Variants in LAP3 observed in about 807,000 individuals in gnomAD.
LAP3 encodes cytosol aminopeptidase.
In LAP3, 46 loss-of-function variants were observed where a neutral mutation model predicts 58.8. The ratio of observed to expected loss-of-function variants is 0.78; its 90% CI spans 0.62 to 1.00. LAP3 has a LOEUF of 1.00. Among genes scored for constraint, LAP3 ranks in the 50% least tolerant of loss-of-function variants. The pLI, the probability that LAP3 is intolerant of heterozygous loss-of-function variation, is 0.00. For synonymous variants in LAP3, 257 were observed against 237.7 expected (o/e 1.08, Z -0.75); for missense variants, 615 against 659.1 (o/e 0.93, Z 0.73).
intron 11 of LAP3, among the ~76,000 whole-genome samples, chr4:17,604,877 C>T (rs1714081248): frequency 6.6e-6 from 1 of 152,138 alleles, no homozygotes; most frequent in Admixed American, 6.5e-5. Context: ...GCCCCCTGCT[C>T]CCCTCCGGTA....
chr4:17,594,556 T>TG (rs1713780224), intron 7 of LAP3, among the ~76,000 whole-genome samples: 1 of 152,256 alleles, frequency 6.6e-6, no homozygotes, highest in South Asian at 2.1e-4. Flanking sequence ...ATGTTGCTTC[T>TG]GGACTCCTAC....
chr4:17,589,674 G>C (rs1713627564), intron 7 of LAP3, among the ~76,000 whole-genome samples: 2 of 151,970 alleles, frequency 1.3e-5, no homozygotes, highest in African/African-American at 4.8e-5. Context: ...TGCCCAAACT[G>C]GTCTTAAACT....
intron 1 of LAP3, among the ~76,000 whole-genome samples, chr4:17,579,226 C>G (rs1282650524): frequency 6.6e-6 from 1 of 152,114 alleles, no homozygotes; most frequent in Non-Finnish European, 1.5e-5. Context: ...ATGGGGGTAA[C>G]TAACAGAAGA....
At chr4:17,596,960 C>T (rs1302126213) in intron 8 of LAP3, 86 bp from the exon 9 acceptor site, 2 of 1,217,878 alleles carry the variant, frequency 1.6e-6, no homozygotes, top group Admixed American at 3.6e-5. Flanking sequence ...TCTTGCTTCT[C>T]ATGGCTCACA....
At chr4:17,592,385 T>C (rs1713709364) in intron 7 of LAP3, among the ~76,000 whole-genome samples, 1 of 152,224 alleles carries the variant, frequency 6.6e-6, no homozygotes, top group Non-Finnish European at 1.5e-5. Context: ...ATGTTGTTGG[T>C]CATGTCAGCC....
chr4:17,601,378 C>CTTA lies in LAP3; in HGVS notation c.1180+2822_1180+2824dup, dbSNP rs530556288. Among the ~76,000 whole-genome samples, 166 of 152,206 alleles carry CTTA rather than the reference C, an allele frequency of 1.1e-3. 1 individual carries two copies. Among genetic ancestry groups the CTTA allele is most frequent in the African/African-American group, 3.5e-3 (146 of 41,532 alleles). On this transcript the variant is annotated intron_variant, in intron 10 of 12. Coordinates refer to ENST00000226299, the MANE Select transcript of LAP3 (RefSeq NM_015907.3). ...GGTCCCAACTGGACCACCTTAAATACTTATGTCTGCCATTTTTTATTACTT... is the reference window on the plus strand; with the variant it reads ...GGTCCCAACTGGACCACCTTAAATACTTATTATGTCTGCCATTTTTTATTACTT...
intron 1 of LAP3, among the ~76,000 whole-genome samples, chr4:17,578,262 C>G (rs1713265317): frequency 6.6e-6 from 1 of 152,166 alleles, no homozygotes; most frequent in Admixed American, 6.5e-5. Flanking sequence ...GAGCTCCAGT[C>G]TCCTGCAGGT....
rs1213680869 is a variant in LAP3 at position 17,583,536 on chromosome 4, T to C, written c.433T>C (p.Cys145Arg). 1.9e-6 allele frequency: 3 copies of C among 1,614,154 alleles called. No individual in the cohort carries two copies. The highest frequency in any genetic ancestry group is 1.7e-5 in the Admixed American group (1 of 60,002). ...GCTCTCGTCTGTGGAGGTGGATCCC[T>C]GTGGAGACGCTCAGGCTGCTGCGGA... ...LELSSVEVDP[C>R]GDAQAAAEGA... Residue 145 changes from cysteine (C) to arginine (R), a missense_variant, in exon 5 of 13, where the codon TGT (cysteine) becomes CGT (arginine). Coordinates refer to ENST00000226299, the MANE Select transcript of LAP3 (RefSeq NM_015907.3).
chr4:17,577,564 G>A lies in LAP3; in HGVS notation c.99G>A (p.Thr33=). Residue 33 remains threonine, a synonymous_variant, in exon 1 of 13, where the codon ACG becomes ACA. Coordinates refer to ENST00000226299, the MANE Select transcript of LAP3 (RefSeq NM_015907.3). ...GSRSLSTADM[T]KGLVLGIYSK... ...GGAGTCTCTCCACCGCAGACATGACGAAGGTGAGAGGCGGCGGCTCGCTCA... is the reference window on the plus strand; with the variant it reads ...GGAGTCTCTCCACCGCAGACATGACAAAGGTGAGAGGCGGCGGCTCGCTCA... The A allele has an allele frequency of 6.4e-7, 1 of 1,552,662 alleles. No individual in the cohort carries two copies. Among genetic ancestry groups the A allele is most frequent in the Non-Finnish European group, 8.7e-7 (1 of 1,149,136 alleles).
In LAP3 at chr4:17,581,772, T is replaced by C. The variant is rs1713370315; in HGVS notation, c.231T>C (p.Pro77=). The C allele has an allele frequency of 1.2e-6, 2 of 1,613,742 alleles. No individual in the cohort carries two copies. The highest frequency in any genetic ancestry group is 1.7e-5 in the Admixed American group (1 of 59,996). Residue 77 remains proline (P), a synonymous_variant, in exon 3 of 13, where the codon CCT becomes CCC. Transcript: ENST00000226299. Reference sequence around the variant, plus strand: ...CCTCTTGTTTTAGATCTGGACCACCTCTGAAGGCAGGGAAGACTCGAACCT... The same window carrying C: ...CCTCTTGTTTTAGATCTGGACCACCCCTGAAGGCAGGGAAGACTCGAACCT... ...LRETLNISGP[P]LKAGKTRTFY...
chr4:17,583,376 T>G, intron 4 of LAP3, 107 bp from the exon 5 acceptor site: 1 of 1,225,894 alleles, frequency 8.2e-7, no homozygotes, highest in Non-Finnish European at 1.2e-6. Flanking sequence ...GGGCTGGGAT[T>G]TGAACCCCAG....
At chr4:17,606,754 A>G in intron 11 of LAP3, 75 bp from the exon 12 acceptor site, 1 of 850,478 alleles carries the variant, frequency 1.2e-6, no homozygotes, top group South Asian at 1.5e-5. Flanking sequence ...TCCTTCATGC[A>G]TTGAGCATGT....
At chr4:17,585,411 C>A (rs1577219994) in intron 6 of LAP3, 1 of 228,198 alleles carries the variant, frequency 4.4e-6, no homozygotes, top group Non-Finnish European at 8.6e-6. Context: ...TAGAATTCAC[C>A]AATGCAAAGT....
chr4:17,604,554 G>A (rs569435325), intron 10 of LAP3, 34 bp from the exon 11 acceptor site: 2 of 1,577,520 alleles, frequency 1.3e-6, no homozygotes, highest in Non-Finnish European at 1.7e-6. Flanking sequence ...TGCCTGGAGA[G>A]ACTGCACGTG....
At chr4:17,582,998 A>G (rs1354063727) in intron 4 of LAP3, among the ~76,000 whole-genome samples, 1 of 152,216 alleles carries the variant, frequency 6.6e-6, no homozygotes, top group Non-Finnish European at 1.5e-5. Context: ...CTTTACTTCA[A>G]ATATCATTGA....
intron 11 of LAP3, 69 bp from the exon 12 acceptor site, chr4:17,606,760 C>T (rs572630900): frequency 2.2e-6 from 2 of 905,008 alleles, no homozygotes. Context: ...ATGCATTGAG[C>T]ATGTTAATGC....
chr4:17,590,598 G>A (rs1417366232), intron 7 of LAP3, among the ~76,000 whole-genome samples: 2 of 152,130 alleles, frequency 1.3e-5, no homozygotes, highest in Non-Finnish European at 2.9e-5. Flanking sequence ...TTGAGACAGA[G>A]TCTAGCTCTG....
At chr4:17,583,421 C>T in intron 4 of LAP3, 62 bp from the exon 5 acceptor site, 1 of 1,581,668 alleles carries the variant, frequency 6.3e-7, no homozygotes. Context: ...CATGCCTCTG[C>T]TGTCTGCTCT....
At chr4:17,592,310 G>A (rs988304189) in intron 7 of LAP3, among the ~76,000 whole-genome samples, 8 of 148,914 alleles carry the variant, frequency 5.4e-5, no homozygotes, top group Non-Finnish European at 1.2e-4. Flanking sequence ...TGCCTATTCC[G>A]GAAAGTCATA....
Sources: allele counts gnomAD v4.1 joint callset (sites outside exome capture counted in the v4.1 genomes callset), GRCh38; gene constraint gnomAD v4.1.1; transcripts MANE v1.5; gene names NCBI Gene and HGNC (gene_info 2026-07-23, HGNC 2026-07-21).